UBE2V2: variants seen among roughly 807,000 people sequenced by gnomAD.
The protein encoded by UBE2V2 is ubiquitin conjugating enzyme E2 V2, also known as ubiquitin-conjugating enzyme E2 variant 2.
UBE2V2 carries 9 observed loss-of-function variants against 17.2 expected under a neutral mutation model. That is an observed-to-expected ratio of 0.52 (90% CI 0.32 to 0.91). UBE2V2 has a LOEUF of 0.91. Among genes scored for constraint, UBE2V2 ranks in the 40% least tolerant of loss-of-function variants. The pLI, the probability that UBE2V2 is intolerant of heterozygous loss-of-function variation, is 0.04. For missense variants in UBE2V2, 133 were observed against 182.6 expected (o/e 0.73, Z 1.56); for synonymous variants, 61 against 57.5 (o/e 1.06, Z -0.28).
chr8:48,050,197 G>T (rs1053911096), intron 3 of UBE2V2: 2 of 315,564 alleles, frequency 6.3e-6, no homozygotes, highest in Admixed American at 4.9e-5. Flanking sequence ...TAATGTACTT[G>T]CCTAGAATAG....
intron 1 of UBE2V2, among the ~76,000 whole-genome samples, chr8:48,009,455 G>A (rs1299213412): frequency 2.0e-5 from 3 of 151,646 alleles, no homozygotes; most frequent in Admixed American, 2.0e-4. Context: ...TAGTAGAGAC[G>A]GGGTTTTGTC....
intron 1 of UBE2V2, among the ~76,000 whole-genome samples, chr8:48,031,694 C>A (rs1471650750): frequency 6.6e-6 from 1 of 152,104 alleles, no homozygotes; most frequent in Non-Finnish European, 1.5e-5. Context: ...CTTGCTCTGT[C>A]ACCCAGGCTG....
chr8:48,013,601 G>A (rs1322450500), intron 1 of UBE2V2, among the ~76,000 whole-genome samples: 3 of 152,114 alleles, frequency 2.0e-5, no homozygotes, highest in Non-Finnish European at 2.9e-5. Context: ...GAGCCACCGC[G>A]CCCGGCCCAC....
At chr8:48,007,990 G>A (rs1299076911), upstream of UBE2V2, among the ~76,000 whole-genome samples, 1 of 152,058 alleles carries the variant, frequency 6.6e-6, no homozygotes, top group Non-Finnish European at 1.5e-5. Flanking sequence ...TGGCGCAATC[G>A]CGGCTCATTG....
chr8:48,038,624 G>T (rs998637067), intron 1 of UBE2V2, among the ~76,000 whole-genome samples: 1 of 151,878 alleles, frequency 6.6e-6, no homozygotes, highest in Non-Finnish European at 1.5e-5. Context: ...GACTACAGGC[G>T]CACGCCACCA....
At chr8:47,998,173 G>A in the UBE2V2 span, among the ~76,000 whole-genome samples, 3 of 152,108 alleles carry the variant, frequency 2.0e-5, no homozygotes, top group South Asian at 2.1e-4. Flanking sequence ...TTGAGGTCAC[G>A]CGGTATTACA....
At chr8:48,029,970 C>G (rs1198203010) in intron 1 of UBE2V2, among the ~76,000 whole-genome samples, 1 of 152,178 alleles carries the variant, frequency 6.6e-6, no homozygotes, top group Admixed American at 6.6e-5. Context: ...GAAATTAAAA[C>G]TAGAGAGGAA....
Position 48,008,435 on chromosome 8 carries a change from G to C in UBE2V2, c.-20G>C. Reference sequence around the variant, plus strand: ...GGTTCGTGCGTGCGTGCGGGCGGCTGCGTCGGGCTGCAGGAGAAGATGGCG... The same window carrying C: ...GGTTCGTGCGTGCGTGCGGGCGGCTCCGTCGGGCTGCAGGAGAAGATGGCG... On this transcript the variant is annotated 5_prime_UTR_variant, in exon 1 of 4. Coordinates refer to ENST00000523111, the MANE Select transcript of UBE2V2 (RefSeq NM_003350.3). 5 of 1,564,282 alleles carry C rather than the reference G, an allele frequency of 3.2e-6. No individual in the cohort carries two copies. Among genetic ancestry groups the C allele is most frequent in the Non-Finnish European group, 4.3e-6 (5 of 1,157,802 alleles).
intron 1 of UBE2V2, among the ~76,000 whole-genome samples, chr8:48,012,537 G>A (rs2091239955): frequency 6.6e-6 from 1 of 152,032 alleles, no homozygotes; most frequent in Non-Finnish European, 1.5e-5. Context: ...GGACCAACAT[G>A]GAGAAACCAT....
chr8:48,030,388 A>T (rs1237744734), intron 1 of UBE2V2, among the ~76,000 whole-genome samples: 1 of 152,188 alleles, frequency 6.6e-6, no homozygotes, highest in Admixed American at 6.6e-5. Flanking sequence ...TTTCTATGTC[A>T]GAGATTTAAT....
intron 3 of UBE2V2, among the ~76,000 whole-genome samples, chr8:48,053,354 G>C (rs1342564462): frequency 6.6e-6 from 1 of 151,728 alleles, no homozygotes; most frequent in Non-Finnish European, 1.5e-5. Context: ...GATAGAACCA[G>C]CATCTATGTG....
intron 1 of UBE2V2, among the ~76,000 whole-genome samples, chr8:48,041,428 C>A (rs2091463868): frequency 6.6e-6 from 1 of 152,052 alleles, no homozygotes. Context: ...GTTGGCTCGG[C>A]TACAGAGCGA....
At chr8:48,019,675 C>T (rs1302868441) in intron 1 of UBE2V2, among the ~76,000 whole-genome samples, 3 of 151,284 alleles carry the variant, frequency 2.0e-5, no homozygotes, top group East Asian at 2.0e-4. Context: ...ATTAGCCAGG[C>T]GTGGTGGCAC....
intron 1 of UBE2V2, among the ~76,000 whole-genome samples, chr8:48,021,047 T>A (rs373588371): frequency 3.5e-4 from 53 of 151,664 alleles, no homozygotes; most frequent in African/African-American, 1.3e-3. Flanking sequence ...TGCTGGCTTG[T>A]TATTGCTTTT....
At chr8:48,054,543 T>G (rs2091560056) in intron 3 of UBE2V2, among the ~76,000 whole-genome samples, 1 of 152,332 alleles carries the variant, frequency 6.6e-6, no homozygotes, top group Non-Finnish European at 1.5e-5. Flanking sequence ...TTTCTCTTCA[T>G]TTACATCTAA....
At chr8:48,045,116 T>C (rs2091489357) in intron 2 of UBE2V2, among the ~76,000 whole-genome samples, 1 of 152,176 alleles carries the variant, frequency 6.6e-6, no homozygotes, top group African/African-American at 2.4e-5. Flanking sequence ...ACAGACAAAA[T>C]GCTACTGTGG....
chr8:48,008,352 G>T, upstream of UBE2V2: 3 of 1,404,194 alleles, frequency 2.1e-6, no homozygotes, highest in Non-Finnish European at 2.8e-6. Context: ...GCGCCCGCCG[G>T]GGGCGGAGTC....
chr8:48,036,574 C>T lies in UBE2V2; in HGVS notation c.17-6459C>T, dbSNP rs186972527. The stretch of plus-strand genomic sequence containing the variant: ...TCAGCCTCCTGAGTAGCTGGGATTA[C>T]AGGCACGCACCACCACGCCGGGCTA... On this transcript the variant is annotated intron_variant, in intron 1 of 3. Coordinates refer to ENST00000523111, the MANE Select transcript of UBE2V2 (RefSeq NM_003350.3). Among the ~76,000 whole-genome samples, 8 of 151,884 alleles carry T rather than the reference C, an allele frequency of 5.3e-5. No homozygotes were observed. In the East Asian group the frequency reaches 1.6e-3, roughly 30 times the overall value.
At chr8:48,002,966 C>G in the UBE2V2 span, among the ~76,000 whole-genome samples, 1 of 152,106 alleles carries the variant, frequency 6.6e-6, no homozygotes, top group Non-Finnish European at 1.5e-5. Context: ...AATCCCAGCA[C>G]TTTGGGAGGC....
Sources: allele counts gnomAD v4.1 joint callset (sites outside exome capture counted in the v4.1 genomes callset), GRCh38; gene constraint gnomAD v4.1.1; transcripts MANE v1.5; gene names NCBI Gene and HGNC (gene_info 2026-07-23, HGNC 2026-07-21).